CHST11: variants seen among roughly 807,000 people sequenced by gnomAD.
The protein encoded by CHST11 is C4S-1.
CHST11 carries 9 observed loss-of-function variants against 30.4 expected under a neutral mutation model. The ratio of observed to expected loss-of-function variants is 0.30; its 90% CI spans 0.18 to 0.52. The LOEUF (loss-of-function observed/expected upper bound fraction) is 0.52. Ranked by LOEUF, CHST11 falls within the 20% of genes least tolerant of loss-of-function variation. The probability of loss-of-function intolerance (pLI) is 0.97; values close to 1 mark genes in which losing one functional copy is unlikely to be tolerated. For synonymous variants in CHST11, 152 were observed against 187.8 expected (o/e 0.81, Z 1.56); for missense variants, 348 against 460.6 (o/e 0.76, Z 2.24).
At position 104,516,572 on chromosome 12, in the gene CHST11, A is replaced by G. The variant is rs114321750; in HGVS notation, c.118+59043A>G. The stretch of plus-strand genomic sequence containing the variant: ...GAAAAGTGCCTGAGCCCCTGAGTCC[A>G]TGCTTTTGGCCCATCTGAACTCCAG... On this transcript the variant is annotated intron_variant, in intron 1 of 2. Coordinates refer to ENST00000303694, the MANE Select transcript of CHST11 (RefSeq NM_018413.6). 2.6e-3 allele frequency among the ~76,000 whole-genome samples: 393 copies of G among 152,174 alleles called. 3 individuals carry two copies. Among genetic ancestry groups the G allele is most frequent in the African/African-American group, 9.2e-3 (383 of 41,522 alleles).
chr12:104,618,111 G>A (rs1409476698), intron 2 of CHST11, among the ~76,000 whole-genome samples: 8 of 151,802 alleles, frequency 5.3e-5, no homozygotes, highest in Admixed American at 6.6e-5. Context: ...TTTTCACCAC[G>A]TTGGCCAGGC....
At chr12:104,493,656 C>T in intron 1 of CHST11, among the ~76,000 whole-genome samples, 1 of 152,216 alleles carries the variant, frequency 6.6e-6, no homozygotes, top group South Asian at 2.1e-4. Flanking sequence ...CTTCCCTCAA[C>T]TCTGGCTCAG....
chr12:104,474,828 C>T (rs985286944), intron 1 of CHST11, among the ~76,000 whole-genome samples: 3 of 152,170 alleles, frequency 2.0e-5, no homozygotes, highest in Non-Finnish European at 2.9e-5. Context: ...GTGTTACTAA[C>T]AATGTAGATG....
At chr12:104,755,922 C>G (rs945452361) in intron 2 of CHST11, among the ~76,000 whole-genome samples, 1 of 151,704 alleles carries the variant, frequency 6.6e-6, no homozygotes, top group Non-Finnish European at 1.5e-5. Context: ...CCCCCCCCTC[C>G]GGTTATGAAA....
At chr12:104,460,509 C>A in intron 1 of CHST11, among the ~76,000 whole-genome samples, 1 of 151,824 alleles carries the variant, frequency 6.6e-6, no homozygotes, top group East Asian at 1.9e-4. Context: ...ACTAAAAATA[C>A]AAAAATTAGC....
chr12:104,716,487 G>A (rs943887907), intron 2 of CHST11, among the ~76,000 whole-genome samples: 4 of 152,220 alleles, frequency 2.6e-5, no homozygotes, highest in Admixed American at 6.5e-5. Flanking sequence ...TGCCATGCAC[G>A]TAGTAAGTAC....
At chr12:104,518,912 T>C (rs1455482567) in intron 1 of CHST11, among the ~76,000 whole-genome samples, 1 of 152,166 alleles carries the variant, frequency 6.6e-6, no homozygotes, top group Admixed American at 6.5e-5. Flanking sequence ...TGAAAGATGG[T>C]GTTATGCATT....
chr12:104,677,391 C>T (rs11112162), intron 2 of CHST11, among the ~76,000 whole-genome samples: 4,692 of 152,104 alleles, frequency 0.031, 156 homozygotes, highest in East Asian at 0.2. Context: ...AGAGGATGGG[C>T]GAGGAACAGA....
rs780541621 is a variant in CHST11, at chr12:104,729,541, T to C, written c.205-27408T>C. On this transcript the variant is annotated intron_variant, in intron 2 of 2. Transcript: ENST00000303694. This position sits in a 1 kb window ranked among gnomAD's most constrained non-coding sequence, Gnocchi z 4.0. ...TTAACAAGCCCCTGCCCTCTGACTT[T>C]GAGATCCAGGCATTTCAGACAGACA... is the stretch of plus-strand genomic sequence containing the variant. Among the ~76,000 whole-genome samples, 9 of 152,104 alleles carry C rather than the reference T, an allele frequency of 5.9e-5. No individual in the cohort carries two copies. The highest frequency in any genetic ancestry group is 8.8e-5 in the Non-Finnish European group (6 of 68,010).
chr12:104,682,189 T>C (rs1004526998), intron 2 of CHST11, among the ~76,000 whole-genome samples: 1 of 152,150 alleles, frequency 6.6e-6, no homozygotes, highest in African/African-American at 2.4e-5. Context: ...GCCGAAATAA[T>C]ATAATGTGGG....
At chr12:104,669,126 G>A (rs941910392) in intron 2 of CHST11, among the ~76,000 whole-genome samples, 7 of 152,186 alleles carry the variant, frequency 4.6e-5, no homozygotes, top group Admixed American at 3.9e-4. Flanking sequence ...GCACAGGCTC[G>A]CACAATCGCC....
intron 1 of CHST11, among the ~76,000 whole-genome samples, chr12:104,469,544 G>T (rs2135953280): frequency 6.6e-6 from 1 of 152,286 alleles, no homozygotes; most frequent in Non-Finnish European, 1.5e-5. Flanking sequence ...TGTTGGGTGG[G>T]TTAGCATGGC....
chr12:104,491,459 TC>T (rs1414484379), intron 1 of CHST11, among the ~76,000 whole-genome samples: 1 of 152,016 alleles, frequency 6.6e-6, no homozygotes, highest in African/African-American at 2.4e-5. Context: ...TTCTTCTTCT[TC>T]TTCTTTTCTT....
chr12:104,557,306 C>T lies in CHST11; in HGVS notation c.119-44600C>T, dbSNP rs117650363. Among the ~76,000 whole-genome samples, 17 of 152,320 alleles carry T rather than the reference C, an allele frequency of 1.1e-4. No homozygotes were observed. In the East Asian group the frequency reaches 3.1e-3, roughly 28 times the overall value. On this transcript the variant is annotated intron_variant, in intron 1 of 2. Coordinates refer to ENST00000303694, the MANE Select transcript of CHST11 (RefSeq NM_018413.6). ...TGCACCTGGGAACAGGGCTCCTTCA[C>T]CGCTCATCACCAGCTGGGAACCTGG...
At chr12:104,666,911 G>T (rs974038340) in intron 2 of CHST11, among the ~76,000 whole-genome samples, 8 of 151,956 alleles carry the variant, frequency 5.3e-5, no homozygotes, top group African/African-American at 1.9e-4. Flanking sequence ...CCAAAACTAT[G>T]CCCAGGGTAG....
intron 1 of CHST11, among the ~76,000 whole-genome samples, chr12:104,578,110 C>T (rs1457032314): frequency 2.0e-5 from 3 of 151,998 alleles, no homozygotes; most frequent in Non-Finnish European, 2.9e-5. Flanking sequence ...ATTTTGCAGC[C>T]GGAAGGAATC....
chr12:104,672,247 C>T lies in CHST11; in HGVS notation c.204+70256C>T, dbSNP rs530535645. Among the ~76,000 whole-genome samples the T allele has an allele frequency of 4.3e-3, 650 of 151,832 alleles. 1 individual carries two copies. Among genetic ancestry groups the T allele is most frequent in the Non-Finnish European group, 6.0e-3 (408 of 67,938 alleles). On this transcript the variant is annotated intron_variant, in intron 2 of 2. Transcript: ENST00000303694. ...ACCGTGTGGGAGAGAGGGGATTGTC[C>T]CTCTCTCCCCAAGGTCAGCTCTGGC...
chr12:104,669,964 T>C (rs1025949270), intron 2 of CHST11, among the ~76,000 whole-genome samples: 1 of 152,272 alleles, frequency 6.6e-6, no homozygotes, highest in Non-Finnish European at 1.5e-5. Flanking sequence ...GCTTAGCACA[T>C]AGAAATTGCT....
intron 2 of CHST11, among the ~76,000 whole-genome samples, chr12:104,681,041 A>G (rs1024720130): frequency 6.6e-6 from 1 of 152,260 alleles, no homozygotes; most frequent in African/African-American, 2.4e-5. Flanking sequence ...AAATGAAGAC[A>G]TCTAGTGCAA....
Sources: gnomAD v4.1 joint callset for allele counts (sites outside exome capture counted in the v4.1 genomes callset) on GRCh38, gnomAD v4.1.1 for gene constraint, Gnocchi (gnomAD v3.1) non-coding constraint, MANE v1.5 for transcripts, NCBI Gene and HGNC (gene_info 2026-07-23, HGNC 2026-07-21) for gene names.